Variants in TMEFF1 observed in about 807,000 individuals in gnomAD.
The protein encoded by TMEFF1 is transmembrane protein with EGF like and two follistatin like domains 1, also known as tomoregulin-1.
In TMEFF1, 20 loss-of-function variants were observed where a neutral mutation model predicts 47.5. The observed-to-expected ratio is 0.42, with a 90% confidence interval of 0.30 to 0.61. The LOEUF (loss-of-function observed/expected upper bound fraction) is 0.61. Among genes scored for constraint, TMEFF1 ranks in the 20% least tolerant of loss-of-function variants. The pLI is 0.19. For missense variants in TMEFF1, 411 were observed against 471.1 expected, an observed-to-expected ratio of 0.87 and a Z score of 1.18; for synonymous variants, 162 against 166.3, an observed-to-expected ratio of 0.97 and a Z score of 0.20.
At chr9:100,480,060 T>C (rs1365971083) in intron 1 of TMEFF1, among the ~76,000 whole-genome samples, 5 of 152,222 alleles carry the variant, frequency 3.3e-5, no homozygotes, top group Non-Finnish European at 7.3e-5. Context: ...ATTTTGGCCA[T>C]CCTAGTGGGT....
chr9:100,565,551 A>G (rs1035771756), intron 8 of TMEFF1, among the ~76,000 whole-genome samples: 1 of 152,078 alleles, frequency 6.6e-6, no homozygotes, highest in African/African-American at 2.4e-5. Flanking sequence ...CAGTCATTCT[A>G]CACCTGCAGT....
In TMEFF1 at chr9:100,521,132, A is replaced by T. The variant is rs192503990; in HGVS notation, c.560+4361A>T. On this transcript the variant is annotated intron_variant, in intron 5 of 9. Transcript: ENST00000374879. ...TAAGAATAAGTTCTAAATGTAAAAT[A>T]AGAGTGTATAGGTTCTTCTGAGTGA... Among the ~76,000 whole-genome samples, 183 of 152,328 alleles carry T rather than the reference A, an allele frequency of 1.2e-3. 1 individual carries two copies. The highest frequency in any genetic ancestry group is 4.2e-3 in the African/African-American group (175 of 41,576).
In TMEFF1 at chr9:100,547,602, G is replaced by C. The variant is rs548068881; in HGVS notation, c.561-142G>C. 736 of 1,018,018 alleles carry C rather than the reference G, an allele frequency of 7.2e-4. 4 individuals are homozygous for C. Among genetic ancestry groups the C allele is most frequent in the Non-Finnish European group, 7.4e-4 (574 of 779,726 alleles). The allele number at this position is 1,018,018 out of a possible 1,614,324, so 63.1% of individuals were successfully genotyped here. A position where few individuals can be genotyped will look rare whatever the true frequency, so the allele number is the denominator to read the frequency against. ...TAAAATTTTTTTAGGTATTTACTTT[G>C]CTTAAGCTTTCATCAGTGACTTAAA... is the stretch of plus-strand genomic sequence containing the variant. On this transcript the variant is annotated intron_variant, in intron 5 of 9. Coordinates refer to ENST00000374879, the MANE Select transcript of TMEFF1 (RefSeq NM_003692.5).
At chr9:100,566,714 CT>C (rs892188507) in intron 8 of TMEFF1, among the ~76,000 whole-genome samples, 2 of 150,468 alleles carry the variant, frequency 1.3e-5, no homozygotes, top group African/African-American at 2.5e-5. Context: ...TTTCTTTTTT[CT>C]TTTTTTTGAG....
At chr9:100,522,621 G>C (rs1024573986) in intron 5 of TMEFF1, among the ~76,000 whole-genome samples, 1 of 151,516 alleles carries the variant, frequency 6.6e-6, no homozygotes, top group African/African-American at 2.4e-5. Flanking sequence ...ATTTTTAGTA[G>C]AGATGGGGTT....
rs190224863 is a variant in TMEFF1 at position 100,479,386 on chromosome 9, G to A, written c.196+5646G>A. Among the ~76,000 whole-genome samples the A allele has an allele frequency of 2.2e-3, 332 of 152,210 alleles. 1 individual carries two copies. The highest frequency in any genetic ancestry group is 7.7e-3 in the African/African-American group (320 of 41,526). On this transcript the variant is annotated intron_variant, in intron 1 of 9. Coordinates refer to ENST00000374879, the MANE Select transcript of TMEFF1 (RefSeq NM_003692.5). Reference sequence around the variant, plus strand: ...CCATCAATAAGCATTTATTGAGCACGAACAAGATAGGATTTTTTAAAAGGG... The same window carrying A: ...CCATCAATAAGCATTTATTGAGCACAAACAAGATAGGATTTTTTAAAAGGG...
At chr9:100,575,976 G>A (rs1412488920) in intron 9 of TMEFF1, among the ~76,000 whole-genome samples, 2 of 152,078 alleles carry the variant, frequency 1.3e-5, no homozygotes, top group African/African-American at 2.4e-5. Context: ...CCCCAGGAGG[G>A]TGTGGACAGC....
chr9:100,534,745 T>G (rs951399414), intron 5 of TMEFF1, among the ~76,000 whole-genome samples: 14 of 152,316 alleles, frequency 9.2e-5, no homozygotes, highest in African/African-American at 3.4e-4. Flanking sequence ...TTTCATACAT[T>G]TGATCAAGGC....
chr9:100,541,057 G>A (rs536501512), intron 5 of TMEFF1, among the ~76,000 whole-genome samples: 5 of 152,046 alleles, frequency 3.3e-5, no homozygotes, highest in Admixed American at 6.5e-5. Flanking sequence ...TCAGTCTTAC[G>A]TTTGATCTCC....
chr9:100,549,701 C>A (rs1838797751), intron 6 of TMEFF1, among the ~76,000 whole-genome samples: 1 of 152,236 alleles, frequency 6.6e-6, no homozygotes, highest in Non-Finnish European at 1.5e-5. Context: ...AGCAGAGATT[C>A]CCCATTTATC....
intron 2 of TMEFF1, among the ~76,000 whole-genome samples, chr9:100,507,775 T>A (rs573226605): frequency 1.2e-4 from 18 of 152,328 alleles, no homozygotes; most frequent in Admixed American, 1.1e-3. Flanking sequence ...CTTGAACAGT[T>A]ATACTTCAAT....
intron 2 of TMEFF1, among the ~76,000 whole-genome samples, chr9:100,501,625 A>ATTTATTTATTTATT (rs1488047305): frequency 6.6e-6 from 1 of 151,862 alleles, no homozygotes; most frequent in African/African-American, 2.4e-5. Flanking sequence ...TGCTGCTTTG[A>ATTTATTTATTTATT]TTTATTTATT....
At chr9:100,526,955 C>CAAAAAAAAAA (rs55736750) in intron 5 of TMEFF1, among the ~76,000 whole-genome samples, 7 of 38,974 alleles carry the variant, frequency 1.8e-4, no homozygotes, top group South Asian at 2.0e-3. Flanking sequence ...GCTAAAAATA[C>CAAAAAAAAAA]AAAAAAAAAA....
intron 4 of TMEFF1, among the ~76,000 whole-genome samples, chr9:100,514,690 CAAA>C (rs10549105): frequency 2.7e-4 from 27 of 101,626 alleles, no homozygotes; most frequent in Admixed American, 4.2e-4. Flanking sequence ...GTCTCTACCC[CAAA>C]AAAAAAAAAA....
chr9:100,559,305 C>T (rs1382110924), intron 7 of TMEFF1, among the ~76,000 whole-genome samples: 1 of 152,108 alleles, frequency 6.6e-6, no homozygotes, highest in African/African-American at 2.4e-5. Flanking sequence ...ACCTTATAAG[C>T]CCTTTGATGA....
rs377680156 is a variant in TMEFF1 at position 100,496,191 on chromosome 9, T to G, written c.197-2574T>G. ...CTGGGCTGGAGGAGCAAACCAAGTC[T>G]TTAGAAGGGACTGTGCTCAGGATCA... On this transcript the variant is annotated intron_variant, in intron 1 of 9. Coordinates refer to ENST00000374879, the MANE Select transcript of TMEFF1 (RefSeq NM_003692.5). Among the ~76,000 whole-genome samples the G allele has an allele frequency of 3.3e-5, 5 of 152,342 alleles. No homozygotes were observed. In the East Asian group the frequency reaches 9.6e-4, roughly 29 times the overall value.
intron 7 of TMEFF1, among the ~76,000 whole-genome samples, chr9:100,555,162 G>GACAGAC (rs149748112): frequency 6.9e-5 from 10 of 144,392 alleles, no homozygotes; most frequent in African/African-American, 2.6e-4. Flanking sequence ...TGTACACACA[G>GACAGAC]ACACACACAC....
chr9:100,520,968 G>A (rs986901427), intron 5 of TMEFF1, among the ~76,000 whole-genome samples: 26 of 152,290 alleles, frequency 1.7e-4, no homozygotes, highest in African/African-American at 4.8e-4. Flanking sequence ...CTTCTCTCTT[G>A]TAAGGCTGTT....
intron 5 of TMEFF1, among the ~76,000 whole-genome samples, chr9:100,536,017 G>A (rs1838497516): frequency 6.6e-6 from 1 of 152,036 alleles, no homozygotes; most frequent in South Asian, 2.1e-4. Context: ...TAGTAATTTG[G>A]AATTTGGAGG....
Sources: allele counts gnomAD v4.1 joint callset (sites outside exome capture counted in the v4.1 genomes callset), GRCh38; gene constraint gnomAD v4.1.1; transcripts MANE v1.5; gene names NCBI Gene and HGNC (gene_info 2026-07-23, HGNC 2026-07-21).